Variants in MIA3 observed in about 807,000 individuals in gnomAD.
MIA3 encodes the protein MIA SH3 domain ER export factor 3.
Under a neutral mutation model 192.4 loss-of-function variants are expected in MIA3, and 90 were observed. The ratio of observed to expected loss-of-function variants is 0.47; its 90% CI spans 0.39 to 0.56. The LOEUF (loss-of-function observed/expected upper bound fraction) is 0.56, where lower values mean the gene tolerates loss of function less well. MIA3 is among the 20% of genes least tolerant of loss of function. The probability of loss-of-function intolerance (pLI) is 0.00; values close to 1 mark genes in which losing one functional copy is unlikely to be tolerated. For missense variants in MIA3, 2,123 were observed against 2,269.4 expected, an observed-to-expected ratio of 0.94 and a Z score of 1.31; for synonymous variants, 740 against 792.8, an observed-to-expected ratio of 0.93 and a Z score of 1.12.
chr1:222,624,565 C>A (rs1034356623), intron 2 of MIA3, among the ~76,000 whole-genome samples: 5 of 152,132 alleles, frequency 3.3e-5, no homozygotes, highest in African/African-American at 1.2e-4. Context: ...ATACTGTAAA[C>A]CTTGAATAAC....
At position 222,629,197 on chromosome 1, in the gene MIA3, A is replaced by G; in HGVS notation, c.1977A>G (p.Gln659=). The change falls in exon 4 of 28, where the codon CAA becomes CAG. Residue 659 remains glutamine (Q), a synonymous_variant. Transcript: ENST00000344922. ...TGGGAAGAAATCTTCCCTGGCAACA[A>G]GAAAGAGATGTGGCTGCCACAGCCA... ...PILGRNLPWQ[Q]ERDVAATASK... The G allele has an allele frequency of 6.2e-7, 1 of 1,614,172 alleles. No homozygotes were observed.
At position 222,665,197 on chromosome 1, in the gene MIA3, C is replaced by CAAA. The variant is rs879011032; in HGVS notation, c.5414-90_5414-88dup. The CAAA allele has an allele frequency of 1.9e-3, 743 of 384,682 alleles. 4 individuals carry two copies. Among genetic ancestry groups the CAAA allele is most frequent in the African/African-American group, 0.017 (386 of 22,136 alleles). The allele number at this position is 384,682 out of a possible 1,614,324, so 23.8% of individuals were successfully genotyped here. On this transcript the variant is annotated intron_variant, in intron 27 of 27. Transcript: ENST00000344922. ...CATGTGACAGGCAAGACCCTGCCGC[C>CAAA]AAAAAAAAAAAAAAAAAAAAAAAAG...
chr1:222,644,158 C>CAA (rs1355110259), intron 6 of MIA3: 24 of 526,838 alleles, frequency 4.6e-5, no homozygotes, highest in Non-Finnish European at 6.6e-5. Flanking sequence ...CAGTCACTTC[C>CAA]GCCTCTTTTT....
At chr1:222,661,141 G>GT in intron 24 of MIA3, 1 of 152,594 alleles carries the variant, frequency 6.6e-6, no homozygotes, top group Non-Finnish European at 1.5e-5. Flanking sequence ...TGGTTCTTGT[G>GT]TATTTTTCAT....
At chr1:222,652,175 CT>C in intron 12 of MIA3, 52 bp from the exon 13 acceptor site, 9 of 1,509,372 alleles carry the variant, frequency 6.0e-6, no homozygotes, top group Non-Finnish European at 8.2e-6. Context: ...GGAAAAGTAA[CT>C]TTTTCTGGTT....
rs1662151373 is a variant in MIA3, at chr1:222,627,049, A to C, written c.355-526A>C. On this transcript the variant is annotated intron_variant, in intron 3 of 27. Coordinates refer to ENST00000344922, the MANE Select transcript of MIA3 (RefSeq NM_198551.4). The stretch of plus-strand genomic sequence containing the variant: ...CCTTACTTTTCCCCACCTGTGCTCA[A>C]AACAAAATTGAGAGACCCAGGAGTT... 2.6e-5 allele frequency among the ~76,000 whole-genome samples: 4 copies of C among 152,360 alleles called. 1 individual carries two copies. The South Asian group carries it at 8.3e-4, about 32-fold the overall frequency.
At chr1:222,658,967 A>T in intron 19 of MIA3, 144 bp downstream of exon 19, 1 of 560,684 alleles carries the variant, frequency 1.8e-6, no homozygotes, top group Admixed American at 3.7e-5. Flanking sequence ...AAGTTAACAA[A>T]TGGAAAAATA....
chr1:222,620,121 A>G (rs1373656927), intron 1 of MIA3, among the ~76,000 whole-genome samples: 3 of 152,224 alleles, frequency 2.0e-5, no homozygotes, highest in Non-Finnish European at 4.4e-5. Context: ...TTCAAAAAAC[A>G]AGTAGCCCCT....
chr1:222,643,508 A>G (rs1047576267), intron 6 of MIA3, among the ~76,000 whole-genome samples: 1 of 152,102 alleles, frequency 6.6e-6, no homozygotes, highest in African/African-American at 2.4e-5. Flanking sequence ...TTGACTTTAT[A>G]TTCAACTCGA....
chr1:222,652,513 G>A (rs371328187), intron 13 of MIA3, among the ~76,000 whole-genome samples, 181 bp downstream of exon 13: 5 of 152,152 alleles, frequency 3.3e-5, no homozygotes, highest in African/African-American at 1.2e-4. Context: ...ATCTGTTCTG[G>A]ATTTTCTGTT....
In MIA3 at chr1:222,665,768, C is replaced by CCAAA. The variant is rs1469620597; in HGVS notation, c.*153_*156dup. On this transcript the variant is annotated 3_prime_UTR_variant, in exon 28 of 28. Transcript: ENST00000344922. ...TGCCTTGGCAGTGTGCATTTTTGAG[C>CCAAA]CAAACAATTCAAAAATGTCATTTCT... 3.7e-6 allele frequency: 2 copies of CCAAA among 543,542 alleles called. No homozygotes were observed. The highest frequency in any genetic ancestry group is 2.0e-5 in the African/African-American group (1 of 50,766). The allele number at this position is 543,542 out of a possible 1,614,324, so 33.7% of individuals were successfully genotyped here.
Position 222,654,729 on chromosome 1 carries a change from A to G in MIA3, c.4543A>G (p.Thr1515Ala). The change falls in exon 18 of 28, where the codon ACC becomes GCC. Residue 1515 changes from threonine (T) to alanine (A), a missense_variant. Around this residue, in one of 3 missense-constraint regions of MIA3, gnomAD observed 762 missense variants for 856.4 expected, o/e 0.89. Transcript: ENST00000344922. ...AGCTGGACTGGAAGATGAATGCAAA[A>G]CCTTGAGGCAGAAAGTGGAGATTCT... is the stretch of plus-strand genomic sequence containing the variant. ...AKAGLEDECKTLRQKVEILNE... is the reference protein window; with the variant it reads ...AKAGLEDECKALRQKVEILNE... The G allele has an allele frequency of 6.2e-7, 1 of 1,614,180 alleles. No homozygotes were observed. Among genetic ancestry groups the G allele is most frequent in the South Asian group, 1.1e-5 (1 of 91,088 alleles).
At chr1:222,630,522 C>T in intron 4 of MIA3, 133 bp downstream of exon 4, 1 of 805,810 alleles carries the variant, frequency 1.2e-6, no homozygotes, top group Non-Finnish European at 1.9e-6. Context: ...GGGAGGTCCA[C>T]ATGTTCCTTC....
rs1664312630 is a variant in MIA3, at chr1:222,666,804, T to TA, written c.*1188dup. The stretch of plus-strand genomic sequence containing the variant: ...TAACCATCTGGAATTGCACCATACT[T>TA]AAAGTCTTATCCATTACTACACTGT... On this transcript the variant is annotated 3_prime_UTR_variant, in exon 28 of 28. Transcript: ENST00000344922. 2.6e-5 allele frequency: 4 copies of TA among 152,290 alleles called. No individual in the cohort carries two copies. The highest frequency in any genetic ancestry group is 2.1e-4 in the South Asian group (1 of 4,826). The allele number at this position is 152,290 out of a possible 1,614,324, so 9.4% of individuals were successfully genotyped here. A position where few individuals can be genotyped will look rare whatever the true frequency, so the allele number is the denominator to read the frequency against.
intron 1 of MIA3, 30 bp from the exon 2 acceptor site, chr1:222,621,129 G>T: frequency 1.9e-6 from 3 of 1,565,220 alleles, no homozygotes; most frequent in Non-Finnish European, 2.6e-6. Flanking sequence ...CTGATATCTG[G>T]CTATTTTTTT....
chr1:222,652,470 G>A (rs1471465633), intron 13 of MIA3, 138 bp downstream of exon 13: 1 of 638,144 alleles, frequency 1.6e-6, no homozygotes, highest in East Asian at 2.8e-5. Context: ...TTTAAACTAT[G>A]CTTCCAAAAT....
At chr1:222,662,457 G>A (rs1664066498) in intron 26 of MIA3, 125 bp downstream of exon 26, 2 of 1,533,918 alleles carry the variant, frequency 1.3e-6, no homozygotes. Context: ...TTTTAAAAAA[G>A]CAAACTGTTC....
At chr1:222,648,761 A>G (rs1219563471) in intron 7 of MIA3, 68 bp from the exon 8 acceptor site, 4 of 910,924 alleles carry the variant, frequency 4.4e-6, no homozygotes, top group South Asian at 2.9e-5. Flanking sequence ...TGACAGTTGT[A>G]TTAGAAACTA....
rs1663380785 is a variant in MIA3 at position 222,650,642 on chromosome 1, A to G, written c.3729A>G (p.Glu1243=). 1 of 1,581,020 alleles carries G rather than the reference A, an allele frequency of 6.3e-7. No homozygotes were observed. Among genetic ancestry groups the G allele is most frequent in the African/African-American group, 1.4e-5 (1 of 73,484 alleles). Residue 1243 remains glutamate, a synonymous_variant, in exon 10 of 28, where the codon GAA becomes GAG. Transcript: ENST00000344922. ...KLSNYEQKIK[E]SKKHVQETRK... The stretch of plus-strand genomic sequence containing the variant: ...TGCTTTATTTTATATAGATCAAGGA[A>G]TCAAAGAAACATGTTCAGGAAACCA...
Sources: gnomAD v4.1 joint callset for allele counts (sites outside exome capture counted in the v4.1 genomes callset) on GRCh38, gnomAD v4.1.1 for gene constraint, gnomAD v4.1.1 regional missense constraint, MANE v1.5 for transcripts, NCBI Gene and HGNC (gene_info 2026-07-23, HGNC 2026-07-21) for gene names.